ARID4B: variants seen among roughly 807,000 people sequenced by gnomAD.
ARID4B encodes AT-rich interaction domain 4B.
In ARID4B, 26 loss-of-function variants were observed where a neutral mutation model predicts 147.5. That is an observed-to-expected ratio of 0.18 (90% CI 0.13 to 0.24). ARID4B has a LOEUF of 0.24. ARID4B is among the 10% of genes least tolerant of loss of function. The probability of loss-of-function intolerance (pLI) is 1.00; values close to 1 mark genes in which losing one functional copy is unlikely to be tolerated. For missense variants in ARID4B, 1,179 were observed against 1,511.5 expected, an observed-to-expected ratio of 0.78 and a Z score of 3.65; for synonymous variants, 512 against 507.9, an observed-to-expected ratio of 1.01 and a Z score of -0.11.
rs1477256137 is a variant in ARID4B, at chr1:235,182,383, C to G, written c.2536G>C (p.Ala846Pro). 2 of 1,609,526 alleles carry G rather than the reference C, an allele frequency of 1.2e-6. No individual in the cohort carries two copies. Among genetic ancestry groups the G allele is most frequent in the African/African-American group, 2.7e-5 (2 of 74,414 alleles). ...ATGCAAAGTGATTCTTTGTTCTTGG[C>G]CTTCTCTTCCTTTTTGCCAGGTGAT... ...TGSPGKKEEK[A>P]KNKESLCMEN... The change falls in exon 20 of 24, where the codon GCC becomes CCC. Residue 846 changes from alanine (A) to proline (P), a missense_variant. Transcript: ENST00000264183.
chr1:235,305,598 G>A (rs968016339), intron 2 of ARID4B, among the ~76,000 whole-genome samples: 9 of 151,998 alleles, frequency 5.9e-5, no homozygotes, highest in Non-Finnish European at 1.2e-4. Flanking sequence ...AATCTCTCTC[G>A]GCCTTGAGTT....
intron 2 of ARID4B, among the ~76,000 whole-genome samples, chr1:235,274,608 A>G (rs986868787): frequency 3.9e-5 from 6 of 152,172 alleles, no homozygotes; most frequent in Non-Finnish European, 8.8e-5. Flanking sequence ...AAAAATAATC[A>G]ATTAAAAATG....
chr1:235,215,346 G>A (rs1211088120), intron 16 of ARID4B, among the ~76,000 whole-genome samples: 2 of 151,894 alleles, frequency 1.3e-5, no homozygotes, highest in African/African-American at 2.4e-5. Context: ...TTGCTGTCCT[G>A]TATGTCTGTA....
intron 4 of ARID4B, among the ~76,000 whole-genome samples, chr1:235,256,255 G>A (rs575717101): frequency 7.3e-5 from 11 of 150,802 alleles, no homozygotes; most frequent in African/African-American, 2.4e-4. Context: ...TAGTAAAAAA[G>A]GCAAATAATA....
At chr1:235,173,408 T>C (rs1663512217) in intron 22 of ARID4B, among the ~76,000 whole-genome samples, 1 of 151,950 alleles carries the variant, frequency 6.6e-6, no homozygotes, top group South Asian at 2.1e-4. Flanking sequence ...AATGCTAAAT[T>C]GTACACATTT....
intron 21 of ARID4B, 108 bp downstream of exon 21, chr1:235,177,691 CA>C (rs1663988278): frequency 3.1e-6 from 2 of 639,698 alleles, no homozygotes; most frequent in East Asian, 6.1e-5. Flanking sequence ...AGTGTACAGA[CA>C]AAATCAAAAT....
At chr1:235,267,987 T>C (rs961382356) in intron 2 of ARID4B, among the ~76,000 whole-genome samples, 9 of 152,128 alleles carry the variant, frequency 5.9e-5, no homozygotes, top group African/African-American at 1.9e-4. Flanking sequence ...TCCTTTTTCA[T>C]GTGGCACTAA....
At chr1:235,297,479 T>C (rs532901701) in intron 2 of ARID4B, among the ~76,000 whole-genome samples, 3 of 152,320 alleles carry the variant, frequency 2.0e-5, no homozygotes, top group Admixed American at 1.3e-4. Context: ...CTAATAAATG[T>C]AGGAGTGATA....
chr1:235,214,782 C>A (rs1571994512), intron 16 of ARID4B, among the ~76,000 whole-genome samples: 1 of 148,136 alleles, frequency 6.8e-6, no homozygotes, highest in Non-Finnish European at 1.5e-5. Context: ...GATGAGAGGC[C>A]AATTACAAGT....
At chr1:235,209,761 G>A (rs539776513) in intron 17 of ARID4B, among the ~76,000 whole-genome samples, 5 of 151,770 alleles carry the variant, frequency 3.3e-5, no homozygotes, top group South Asian at 2.1e-4. Flanking sequence ...ATGAGGTTTC[G>A]CCATGTTGGC....
intron 11 of ARID4B, among the ~76,000 whole-genome samples, chr1:235,225,640 G>C (rs1236882139): frequency 6.6e-6 from 1 of 152,192 alleles, no homozygotes; most frequent in Non-Finnish European, 1.5e-5. Flanking sequence ...CAGAGAAAAT[G>C]ATTCCAAATA....
chr1:235,192,094 AC>A (rs1431112935), intron 19 of ARID4B, among the ~76,000 whole-genome samples: 1 of 152,160 alleles, frequency 6.6e-6, no homozygotes, highest in African/African-American at 2.4e-5. Context: ...AAACAAAAAA[AC>A]ACCCTAAAAA....
intron 2 of ARID4B, among the ~76,000 whole-genome samples, chr1:235,315,977 C>A (rs758594783): frequency 1.3e-5 from 2 of 151,876 alleles, no homozygotes; most frequent in Non-Finnish European, 2.9e-5. Context: ...CCTAGGAGTT[C>A]GAGACCAGCC....
At chr1:235,232,059 TAC>T (rs2103051520) in intron 9 of ARID4B, among the ~76,000 whole-genome samples, 1 of 151,852 alleles carries the variant, frequency 6.6e-6, no homozygotes, top group African/African-American at 2.4e-5. Context: ...AGGGCAGGGT[TAC>T]AGTGAGCTAT....
intron 19 of ARID4B, among the ~76,000 whole-genome samples, chr1:235,185,364 T>C (rs1387672417): frequency 6.6e-6 from 1 of 152,238 alleles, no homozygotes; most frequent in Non-Finnish European, 1.5e-5. Flanking sequence ...CATCTTCCTT[T>C]GTATCTCTTT....
chr1:235,203,806 C>T (rs1666113047), intron 17 of ARID4B, among the ~76,000 whole-genome samples: 1 of 151,930 alleles, frequency 6.6e-6, no homozygotes, highest in Admixed American at 6.6e-5. Context: ...TAGAAAAAAA[C>T]ACCAAGTCAA....
chr1:235,247,078 T>G (rs1669345560), intron 6 of ARID4B, among the ~76,000 whole-genome samples: 1 of 152,210 alleles, frequency 6.6e-6, no homozygotes, highest in Non-Finnish European at 1.5e-5. Context: ...AAATTACATT[T>G]AATTTCTACA....
chr1:235,280,116 T>C (rs1436667113), intron 2 of ARID4B, among the ~76,000 whole-genome samples: 3 of 152,216 alleles, frequency 2.0e-5, no homozygotes, highest in African/African-American at 7.2e-5. Flanking sequence ...ACACATTCTC[T>C]TAATTCTATT....
At chr1:235,318,085 G>A (rs563532213) in intron 2 of ARID4B, among the ~76,000 whole-genome samples, 1 of 148,946 alleles carries the variant, frequency 6.7e-6, no homozygotes, top group African/African-American at 2.5e-5. Flanking sequence ...CTCCAAATAA[G>A]TAGACTGACA....
Sources: gnomAD v4.1 joint callset for allele counts (sites outside exome capture counted in the v4.1 genomes callset) on GRCh38, gnomAD v4.1.1 for gene constraint, MANE v1.5 for transcripts, NCBI Gene and HGNC (gene_info 2026-07-23, HGNC 2026-07-21) for gene names.